BTBD16: variants seen among roughly 807,000 people sequenced by gnomAD.
The protein encoded by BTBD16 is BTB/POZ domain-containing protein 16.
A neutral mutation model predicts 67.4 loss-of-function variants in BTBD16; 66 were observed. The observed-to-expected ratio is 0.98, with a 90% CI of 0.80 to 1.20. The LOEUF (loss-of-function observed/expected upper bound fraction) is 1.20, where lower values mean the gene tolerates loss of function less well. Ranked by LOEUF, BTBD16 falls within the 50% of genes most tolerant of loss-of-function variation. BTBD16 has a pLI of 0.00. For missense variants in BTBD16, 634 were observed against 616.0 expected (o/e 1.03, Z -0.31); for synonymous variants, 242 against 236.4 (o/e 1.02, Z -0.22).
intron 3 of BTBD16, among the ~76,000 whole-genome samples, chr10:122,277,161 T>TTTTTTC (rs58841382): frequency 0.13 from 17,824 of 141,270 alleles, 1,967 homozygotes; most frequent in African/African-American, 0.37. Flanking sequence ...ATTGAATTTT[T>TTTTTTC]TTTTTTTTTT....
intron 10 of BTBD16, among the ~76,000 whole-genome samples, chr10:122,311,715 CAA>C (rs1322785491): frequency 6.6e-6 from 1 of 152,196 alleles, no homozygotes; most frequent in Non-Finnish European, 1.5e-5. Context: ...TGAATTTCCA[CAA>C]AGTGAGCACA....
At chr10:122,274,633 G>A in intron 1 of BTBD16, among the ~76,000 whole-genome samples, 1 of 152,194 alleles carries the variant, frequency 6.6e-6, no homozygotes, top group East Asian at 1.9e-4. Context: ...TCAGTCTACA[G>A]AGCTCCAGGG....
At chr10:122,322,199 C>T (rs2096436623) in intron 10 of BTBD16, among the ~76,000 whole-genome samples, 1 of 152,032 alleles carries the variant, frequency 6.6e-6, no homozygotes, top group African/African-American at 2.4e-5. Context: ...ATTAATTTTT[C>T]TCTTCGTTAT....
At chr10:122,332,687 C>A in intron 13 of BTBD16, 174 bp downstream of exon 13, 2 of 651,642 alleles carry the variant, frequency 3.1e-6, no homozygotes, top group Non-Finnish European at 3.8e-6. Context: ...AAATAAAATT[C>A]ACAAGGGAGG....
intron 9 of BTBD16, 45 bp downstream of exon 9, chr10:122,299,179 A>AG (rs751953631): frequency 1.7e-5 from 27 of 1,604,944 alleles, no homozygotes; most frequent in Non-Finnish European, 2.1e-5. Context: ...GGGGGATGGG[A>AG]GAAAGTAGGG....
At chr10:122,312,309 C>CTTTTTTTTT (rs58045019) in intron 10 of BTBD16, among the ~76,000 whole-genome samples, 7 of 105,622 alleles carry the variant, frequency 6.6e-5, no homozygotes, top group Non-Finnish European at 9.2e-5. Context: ...TTTTCTTTTT[C>CTTTTTTTTT]TTTTTTTTTT....
chr10:122,279,329 A>G (rs2096347331), intron 3 of BTBD16, among the ~76,000 whole-genome samples: 1 of 151,936 alleles, frequency 6.6e-6, no homozygotes, highest in African/African-American at 2.4e-5. Context: ...AAATTTTAAA[A>G]TTAGCCAGGT....
At chr10:122,277,230 A>T (rs2096342792) in intron 3 of BTBD16, among the ~76,000 whole-genome samples, 1 of 147,272 alleles carries the variant, frequency 6.8e-6, no homozygotes, top group South Asian at 2.1e-4. Flanking sequence ...TGAGTTTATT[A>T]TCCAGGGACC....
At chr10:122,320,187 T>A (rs554575548) in intron 10 of BTBD16, among the ~76,000 whole-genome samples, 5 of 152,250 alleles carry the variant, frequency 3.3e-5, no homozygotes, top group South Asian at 4.1e-4. Flanking sequence ...TATGCCTGTT[T>A]TTGTTCTTGC....
intron 10 of BTBD16, 93 bp downstream of exon 10, chr10:122,307,401 T>G: frequency 7.6e-7 from 1 of 1,309,234 alleles, no homozygotes; most frequent in South Asian, 1.7e-5. Flanking sequence ...ATCAGTGATA[T>G]AATTTTTCAT....
chr10:122,275,861 A>C (rs2096339432), intron 2 of BTBD16, among the ~76,000 whole-genome samples: 1 of 152,126 alleles, frequency 6.6e-6, no homozygotes. Context: ...TCCTGGGCAT[A>C]TAACCAAAAG....
At chr10:122,273,153 A>G (rs1222876299) in intron 1 of BTBD16, among the ~76,000 whole-genome samples, 3 of 151,404 alleles carry the variant, frequency 2.0e-5, no homozygotes, top group African/African-American at 7.3e-5. Flanking sequence ...TCAATTGAAG[A>G]TACAGATCTC....
intron 10 of BTBD16, among the ~76,000 whole-genome samples, chr10:122,310,497 C>A (rs939441303): frequency 6.6e-6 from 1 of 152,098 alleles, no homozygotes; most frequent in African/African-American, 2.4e-5. Context: ...TCACGGACAG[C>A]CTGGGCCAGC....
intron 3 of BTBD16, among the ~76,000 whole-genome samples, chr10:122,282,150 T>C (rs2096354485): frequency 6.6e-6 from 1 of 152,200 alleles, no homozygotes; most frequent in African/African-American, 2.4e-5. Context: ...CCGATGACAC[T>C]GATGTTTGTG....
chr10:122,334,886 T>C lies in BTBD16; in HGVS notation c.1170T>C (p.Asn390=), dbSNP rs1347338300. Residue 390 remains asparagine, a synonymous_variant, in exon 14 of 16, where the codon AAT becomes AAC. Transcript: ENST00000260723. The stretch of plus-strand genomic sequence containing the variant: ...GTTTCTCTTTCCCAATTTAGGAGAA[T>C]ACAACTTATTCGAAAACGATTGCTC... ...VRFGLLFNQE[N]TTYSKTIALY... is the part of the protein sequence containing the mutation. 6.5e-7 allele frequency: 1 copy of C among 1,545,666 alleles called. No individual in the cohort carries two copies. The highest frequency in any genetic ancestry group is 1.4e-5 in the African/African-American group (1 of 73,144).
intron 8 of BTBD16, 102 bp from the exon 9 acceptor site, chr10:122,298,902 C>T (rs2096388538): frequency 2.0e-6 from 3 of 1,481,612 alleles, no homozygotes; most frequent in African/African-American, 1.4e-5. Flanking sequence ...AGCGCCTCTG[C>T]AGTGACTCTC....
intron 1 of BTBD16, among the ~76,000 whole-genome samples, chr10:122,272,154 G>A (rs957389906): frequency 2.0e-5 from 3 of 152,178 alleles, no homozygotes; most frequent in East Asian, 1.9e-4. Flanking sequence ...GAAGCCTCAC[G>A]CAAGGTGGAA....
At chr10:122,277,414 C>T (rs991389446) in intron 3 of BTBD16, among the ~76,000 whole-genome samples, 2 of 152,170 alleles carry the variant, frequency 1.3e-5, no homozygotes, top group Non-Finnish European at 2.9e-5. Context: ...CCTGGAAACA[C>T]AGAGCTGGAC....
chr10:122,334,151 G>T (rs1033146950), intron 13 of BTBD16, among the ~76,000 whole-genome samples: 4 of 151,372 alleles, frequency 2.6e-5, no homozygotes, highest in African/African-American at 9.7e-5. Flanking sequence ...AATAAGTGAC[G>T]GTTGTTATTG....
Sources: allele counts gnomAD v4.1 joint callset (sites outside exome capture counted in the v4.1 genomes callset), GRCh38; gene constraint gnomAD v4.1.1; transcripts MANE v1.5; gene names NCBI Gene and HGNC (gene_info 2026-07-23, HGNC 2026-07-21).